ERO1B: variants seen among roughly 807,000 people sequenced by gnomAD.
The protein encoded by ERO1B is ERO1-like protein beta.
ERO1B carries 49 observed loss-of-function variants against 75.3 expected under a neutral mutation model. That is an observed-to-expected ratio of 0.65 (90% CI 0.52 to 0.83). ERO1B has a LOEUF of 0.83. ERO1B is among the 40% of genes least tolerant of loss of function. The probability of loss-of-function intolerance (pLI) is 0.00; values close to 1 mark genes in which losing one functional copy is unlikely to be tolerated. For missense variants in ERO1B, 512 were observed against 560.1 expected, an observed-to-expected ratio of 0.91 and a Z score of 0.87; for synonymous variants, 191 against 192.9, an observed-to-expected ratio of 0.99 and a Z score of 0.08.
chr1:236,235,706 A>G (rs1229347249), intron 8 of ERO1B, 83 bp downstream of exon 8: 16 of 1,215,810 alleles, frequency 1.3e-5, no homozygotes, highest in Non-Finnish European at 1.9e-5. Flanking sequence ...TATAAAAATG[A>G]AAGTTTTTTC....
rs1195024827 is a variant in ERO1B at position 236,217,159 on chromosome 1, A to G, written c.*1357T>C. 1 of 152,132 alleles carries G rather than the reference A, an allele frequency of 6.6e-6. No individual in the cohort carries two copies. Among genetic ancestry groups the G allele is most frequent in the African/African-American group, 2.4e-5 (1 of 41,448 alleles). 9.4% of individuals were successfully genotyped at this position (152,132 alleles called of 1,614,324 possible). On this transcript the variant is annotated 3_prime_UTR_variant, in exon 16 of 16. Transcript: ENST00000354619. ...ATTTCAGACTTTGACAGGATAAAAT[A>G]TGGATTTAAGAGCACTTATTCTTTA...
At chr1:236,249,822 A>T (rs1376878544) in intron 5 of ERO1B, 63 bp downstream of exon 5, 5 of 1,252,756 alleles carry the variant, frequency 4.0e-6, no homozygotes, top group Non-Finnish European at 5.6e-6. Flanking sequence ...TACCAAAATC[A>T]TAAAAAATTG....
intron 2 of ERO1B, among the ~76,000 whole-genome samples, chr1:236,267,292 C>T (rs1057298689): frequency 7.2e-5 from 11 of 152,074 alleles, no homozygotes; most frequent in Non-Finnish European, 1.6e-4. Flanking sequence ...TACTTCATAT[C>T]TTTTCTTAAT....
chr1:236,228,735 A>G (rs938997346), intron 10 of ERO1B, among the ~76,000 whole-genome samples: 1 of 152,212 alleles, frequency 6.6e-6, no homozygotes, highest in Non-Finnish European at 1.5e-5. Context: ...CTACACTCAC[A>G]GTGTAAGTAG....
chr1:236,281,864 G>T lies in ERO1B; in HGVS notation c.-81C>A, dbSNP rs1165773355. 12 of 1,079,772 alleles carry T rather than the reference G, an allele frequency of 1.1e-5. No homozygotes were observed. Among genetic ancestry groups the T allele is most frequent in the Non-Finnish European group, 1.5e-5 (12 of 823,422 alleles). The allele number at this position is 1,079,772 out of a possible 1,614,324, so 66.9% of individuals were successfully genotyped here. ...GGCGGCCCAGGCGACGACCCAAGGG[G>T]ACGGTTCCCAGCGGCCGAGCGACTC... On this transcript the variant is annotated 5_prime_UTR_variant, in exon 1 of 16. Transcript: ENST00000354619.
chr1:236,259,945 A>T (rs12565703), intron 2 of ERO1B, among the ~76,000 whole-genome samples: 7,972 of 152,262 alleles, frequency 0.052, 578 homozygotes, highest in East Asian at 0.39. Context: ...TTCTCAGTGC[A>T]TATGGAACAT....
chr1:236,245,043 G>A (rs149424119), intron 5 of ERO1B, among the ~76,000 whole-genome samples: 58 of 151,788 alleles, frequency 3.8e-4, no homozygotes, highest in African/African-American at 1.4e-3. Context: ...CCAGGCTGGA[G>A]TGCACTGACA....
rs573283522 is a variant in ERO1B at position 236,243,573 on chromosome 1, A to G, written c.432-78T>C. ...TTTAATACTGTATTCTAGTGTAATT[A>G]AAATAGATAATCTGAGGTCAGTTAA... On this transcript the variant is annotated intron_variant, in intron 5 of 15. Transcript: ENST00000354619. The G allele has an allele frequency of 1.3e-4, 113 of 882,982 alleles. No homozygotes were observed. The African/African-American group carries it at 1.8e-3, about 14-fold the overall frequency. 54.7% of individuals were successfully genotyped at this position (882,982 alleles called of 1,614,324 possible).
chr1:236,273,861 A>G (rs2812478), intron 1 of ERO1B, among the ~76,000 whole-genome samples: 137,794 of 150,582 alleles, frequency 0.92, 64,309 homozygotes, highest in East Asian at 1. Flanking sequence ...GCTTAGGAAT[A>G]GAACCGCTGA....
At chr1:236,232,400 T>C (rs1375344120) in intron 9 of ERO1B, among the ~76,000 whole-genome samples, 3 of 152,202 alleles carry the variant, frequency 2.0e-5, no homozygotes, top group Non-Finnish European at 4.4e-5. Context: ...ATTCATTCAA[T>C]AATCAATTGT....
intron 2 of ERO1B, among the ~76,000 whole-genome samples, chr1:236,257,419 C>T (rs1032687296): frequency 6.6e-6 from 1 of 152,060 alleles, no homozygotes; most frequent in Non-Finnish European, 1.5e-5. Context: ...CCAGCAACTC[C>T]CTGCAGATTT....
rs866826257 is a variant in ERO1B at position 236,239,821 on chromosome 1, A to G, written c.506-3423T>C. Among the ~76,000 whole-genome samples, 54 of 125,574 alleles carry G rather than the reference A, an allele frequency of 4.3e-4. 1 individual carries two copies. Among genetic ancestry groups the G allele is most frequent in the Non-Finnish European group, 5.6e-4 (35 of 62,992 alleles). 82.4% of individuals were successfully genotyped at this position (125,574 alleles called of 152,430 possible). On this transcript the variant is annotated intron_variant, in intron 6 of 15. Coordinates refer to ENST00000354619, the MANE Select transcript of ERO1B (RefSeq NM_019891.4). Reference sequence around the variant, plus strand: ...TATATATATATGTGTGTATATATATATGTGTATATATATGTGTATATATAT... The same window carrying G: ...TATATATATATGTGTGTATATATATGTGTGTATATATATGTGTATATATAT...
chr1:236,252,968 T>A (rs936609998), intron 3 of ERO1B, among the ~76,000 whole-genome samples: 5 of 151,954 alleles, frequency 3.3e-5, no homozygotes, highest in South Asian at 2.1e-4. Context: ...GGTTTTTTTT[T>A]AAATGTAAAT....
intron 8 of ERO1B, among the ~76,000 whole-genome samples, chr1:236,234,464 A>G (rs991453498): frequency 6.6e-6 from 1 of 152,260 alleles, no homozygotes; most frequent in Admixed American, 6.5e-5. Context: ...TTCACTTTAT[A>G]TAACTACTAT....
intron 6 of ERO1B, among the ~76,000 whole-genome samples, chr1:236,238,748 G>A (rs1447507572): frequency 6.6e-6 from 1 of 151,750 alleles, no homozygotes; most frequent in African/African-American, 2.4e-5. Flanking sequence ...ATTTGTGTAT[G>A]TGTGTGTACA....
intron 14 of ERO1B, among the ~76,000 whole-genome samples, chr1:236,221,420 A>T (rs1422055393): frequency 6.6e-6 from 1 of 152,188 alleles, no homozygotes; most frequent in East Asian, 1.9e-4. Context: ...TTAATTTTCT[A>T]TAAGTTACCA....
intron 1 of ERO1B, among the ~76,000 whole-genome samples, chr1:236,275,880 G>C (rs945773252): frequency 6.6e-6 from 1 of 152,160 alleles, no homozygotes; most frequent in Non-Finnish European, 1.5e-5. Flanking sequence ...AAGCCAATGG[G>C]GAGTTTTAAG....
chr1:236,257,269 G>T (rs1375002170), intron 2 of ERO1B, among the ~76,000 whole-genome samples: 1 of 152,144 alleles, frequency 6.6e-6, no homozygotes, highest in Non-Finnish European at 1.5e-5. Context: ...GACTAGAGAA[G>T]GTAGTTCTTT....
chr1:236,259,985 A>C (rs1218560265), intron 2 of ERO1B, among the ~76,000 whole-genome samples: 2 of 152,228 alleles, frequency 1.3e-5, no homozygotes, highest in African/African-American at 2.4e-5. Context: ...TAGGCCACAA[A>C]ACAAGTCTTA....
Sources: gnomAD v4.1 joint callset for allele counts (sites outside exome capture counted in the v4.1 genomes callset) on GRCh38, gnomAD v4.1.1 for gene constraint, MANE v1.5 for transcripts, NCBI Gene and HGNC (gene_info 2026-07-23, HGNC 2026-07-21) for gene names.